SLC12A7: variants seen among roughly 807,000 people sequenced by gnomAD.
SLC12A7 encodes the protein solute carrier family 12 member 7.
A neutral mutation model predicts 120.6 loss-of-function variants in SLC12A7; 100 were observed. That is an observed-to-expected ratio of 0.83 (90% CI 0.71 to 0.98). The LOEUF is 0.98. Among genes scored for constraint, SLC12A7 ranks in the 50% least tolerant of loss-of-function variants. The pLI is 0.00. For missense variants in SLC12A7, 1,373 were observed against 1,548.1 expected (o/e 0.89, Z 1.90); for synonymous variants, 760 against 678.0 (o/e 1.12, Z -1.88).
At chr5:1,155,837 C>T in the SLC12A7 span, among the ~76,000 whole-genome samples, 1 of 151,304 alleles carries the variant, frequency 6.6e-6, no homozygotes. Flanking sequence ...CACCCCCCGC[C>T]GCGGGGGTCA....
At position 1,064,137 on chromosome 5, in the gene SLC12A7, G is replaced by T; in HGVS notation, c.2553C>A (p.Ile851=). The change falls in exon 19 of 24, where the codon ATC becomes ATA. Residue 851 remains isoleucine, a synonymous_variant. Coordinates refer to ENST00000264930, the MANE Select transcript of SLC12A7 (RefSeq NM_006598.3). Reference sequence around the variant, plus strand: ...GCATGAGCATGCCGCCGTCGTGCACGATCCACCACACGTCGATGTGGCCCC... The same window carrying T: ...GCATGAGCATGCCGCCGTCGTGCACTATCCACCACACGTCGATGTGGCCCC... ...FGGGHIDVWW[I]VHDGGMLMLL... is the part of the protein sequence containing the mutation. 1 of 1,611,840 alleles carries T rather than the reference G, an allele frequency of 6.2e-7. No homozygotes were observed. Among genetic ancestry groups the T allele is most frequent in the Non-Finnish European group, 8.5e-7 (1 of 1,179,450 alleles).
the SLC12A7 span, among the ~76,000 whole-genome samples, chr5:1,141,067 C>T: frequency 3.3e-5 from 5 of 152,212 alleles, no homozygotes; most frequent in African/African-American, 9.7e-5. Context: ...ACCACAGACA[C>T]GTCTCGAAGC....
intron 16 of SLC12A7, among the ~76,000 whole-genome samples, chr5:1,074,169 CCT>C (rs1738053269): frequency 6.6e-6 from 1 of 151,962 alleles, no homozygotes; most frequent in Non-Finnish European, 1.5e-5. Context: ...CCACCGAGGC[CCT>C]GAGGGGACAA....
chr5:1,105,900 C>A (rs1269881269), intron 1 of SLC12A7, among the ~76,000 whole-genome samples: 1 of 152,218 alleles, frequency 6.6e-6, no homozygotes, highest in African/African-American at 2.4e-5. Context: ...CTGGGCTCCA[C>A]GGGGTTCCCA....
chr5:1,091,315 G>T (rs1740471247), intron 3 of SLC12A7, among the ~76,000 whole-genome samples: 1 of 152,196 alleles, frequency 6.6e-6, no homozygotes, highest in Non-Finnish European at 1.5e-5. Context: ...GAGAAGCTGG[G>T]GTGTGCTCTC....
intron 17 of SLC12A7, among the ~76,000 whole-genome samples, chr5:1,069,359 C>T (rs184088203): frequency 8.2e-4 from 125 of 152,338 alleles, no homozygotes; most frequent in African/African-American, 2.7e-3. Flanking sequence ...CAGACCTGGA[C>T]GGGCCTCAGT....
rs372444171 is a variant in SLC12A7 at position 1,066,851 on chromosome 5, C to T, written c.2242-1373G>A. Among the ~76,000 whole-genome samples, 66 of 152,320 alleles carry T rather than the reference C, an allele frequency of 4.3e-4. 3 individuals carry two copies. The East Asian group carries it at 7.4e-3, about 17-fold the overall frequency. On this transcript the variant is annotated intron_variant, in intron 17 of 23. Transcript: ENST00000264930. Reference sequence around the variant, plus strand: ...GCGTGGCCTGCGGTCTCCTTCATCTCAGACTCCTGGGCTCCAGAACTAGGA... The same window carrying T: ...GCGTGGCCTGCGGTCTCCTTCATCTTAGACTCCTGGGCTCCAGAACTAGGA...
chr5:1,117,629 A>T, the SLC12A7 span, among the ~76,000 whole-genome samples: 89,168 of 151,944 alleles, frequency 0.59, 26,355 homozygotes, highest in Non-Finnish European at 0.63. The surrounding 1 kb of genome is among the most constrained non-coding windows in gnomAD (Gnocchi z 4.5). Context: ...CACCACTCAG[A>T]CCAATAGACT....
chr5:1,114,103 T>G (rs1579455437), upstream of SLC12A7, among the ~76,000 whole-genome samples: 2 of 152,216 alleles, frequency 1.3e-5, no homozygotes, highest in African/African-American at 4.8e-5. Flanking sequence ...ACTCATCAGC[T>G]TCATTTTACA....
intron 18 of SLC12A7, among the ~76,000 whole-genome samples, chr5:1,064,470 C>A (rs376590519): frequency 1.3e-5 from 2 of 152,230 alleles, no homozygotes; most frequent in Admixed American, 1.3e-4. Context: ...CCAGCCCCTG[C>A]GGGGCTCTGG....
chr5:1,086,842 G>A, intron 6 of SLC12A7, 61 bp downstream of exon 6: 2 of 1,591,536 alleles, frequency 1.3e-6, no homozygotes, highest in Admixed American at 3.4e-5. Flanking sequence ...GGTCAGGCAG[G>A]GCCCCTTGGC....
chr5:1,076,172 G>T lies in SLC12A7; in HGVS notation c.1813C>A (p.Pro605Thr). Residue 605 changes from proline (P) to threonine (T), a missense_variant, in exon 14 of 24, where the codon CCC becomes ACC. Physicochemically the swap from Pro to Thr is conservative, Grantham distance 38 (BLOSUM62 -1). Coordinates refer to ENST00000264930, the MANE Select transcript of SLC12A7 (RefSeq NM_006598.3). ...AACTTGAAGCGTGGACGCCAGTTGG[G>T]GGTACGTAGCAGGGTCTGCACGGCG... The part of the protein sequence containing the change: ...ACAVQTLLRT[P>T]NWRPRFKFYH... 2.5e-6 allele frequency: 4 copies of T among 1,612,438 alleles called. 1 individual carries two copies. In the Admixed American group the frequency reaches 5.0e-5, roughly 20 times the overall value.
Position 1,075,426 on chromosome 5 carries a change from C to T in SLC12A7, c.1912G>A (p.Ala638Thr), listed in dbSNP as rs772212061. The change falls in exon 15 of 24, where the codon GCG becomes ACG. Residue 638 changes from alanine to threonine, a missense_variant. Ala to Thr is a moderately conservative substitution (Grantham distance 58). Transcript: ENST00000264930. ...CCAGCGATGAGCATGGCGGACAGCGCGTAGTACCAGGAGCAGATGAACATC... is the reference window on the plus strand; with the variant it reads ...CCAGCGATGAGCATGGCGGACAGCGTGTAGTACCAGGAGCAGATGAACATC... ...ALMFICSWYY[A>T]LSAMLIAGCI... 21 of 1,612,472 alleles carry T rather than the reference C, an allele frequency of 1.3e-5. No homozygotes were observed. The Admixed American group carries it at 1.5e-4, about 12-fold the overall frequency.
At chr5:1,087,454 G>A (rs983848736) in intron 5 of SLC12A7, among the ~76,000 whole-genome samples, 4 of 152,286 alleles carry the variant, frequency 2.6e-5, no homozygotes, top group Admixed American at 2.6e-4. Context: ...CGCTATCACT[G>A]GCGGGAAAGC....
chr5:1,147,250 A>ACCCCCCCCC, the SLC12A7 span, among the ~76,000 whole-genome samples: 14 of 108,680 alleles, frequency 1.3e-4, no homozygotes, highest in East Asian at 2.6e-4. Context: ...CCACCCCGCC[A>ACCCCCCCCC]CCCCCCCCGC....
chr5:1,109,354 G>A (rs1378567398), intron 1 of SLC12A7, among the ~76,000 whole-genome samples: 4 of 152,168 alleles, frequency 2.6e-5, no homozygotes, highest in African/African-American at 7.2e-5. Flanking sequence ...CGGACGAGAC[G>A]CAGCCGGCCC....
At chr5:1,066,609 G>T (rs1269261981) in intron 17 of SLC12A7, among the ~76,000 whole-genome samples, 1 of 152,214 alleles carries the variant, frequency 6.6e-6, no homozygotes, top group Non-Finnish European at 1.5e-5. Context: ...CTTTATGGAT[G>T]TATTGAAGAA....
chr5:1,135,728 A>G, the SLC12A7 span, among the ~76,000 whole-genome samples: 1 of 152,240 alleles, frequency 6.6e-6, no homozygotes, highest in Admixed American at 6.5e-5. Context: ...CATCCCATTC[A>G]GGGTTTACTG....
rs150018091 is a variant in SLC12A7 at position 1,073,746 on chromosome 5, G to C, written c.2128C>G (p.Arg710Gly). ...AGCTGCGACGTGAAGGACAGCAGGCGGGGGTGCTTCACGGCCTGCTCCGCG... is the reference window on the plus strand; with the variant it reads ...AGCTGCGACGTGAAGGACAGCAGGCCGGGGTGCTTCACGGCCTGCTCCGCG... ...LDAEQAVKHP[R>G]LLSFTSQLKA... The change falls in exon 17 of 24, where the codon CGC (arginine) becomes GGC (glycine). Residue 710 changes from arginine to glycine, a missense_variant. By Grantham distance (125) the Arg-to-Gly change is moderately radical. Transcript: ENST00000264930. 1 of 1,562,098 alleles carries C rather than the reference G, an allele frequency of 6.4e-7. No homozygotes were observed. Among genetic ancestry groups the C allele is most frequent in the South Asian group, 1.2e-5 (1 of 84,976 alleles).
Sources: gnomAD v4.1 joint callset for allele counts (sites outside exome capture counted in the v4.1 genomes callset) on GRCh38, gnomAD v4.1.1 for gene constraint, Gnocchi (gnomAD v3.1) non-coding constraint, MANE v1.5 for transcripts, NCBI Gene and HGNC (gene_info 2026-07-23, HGNC 2026-07-21) for gene names.